TMEM132A: variants seen among roughly 807,000 people sequenced by gnomAD.
The protein encoded by TMEM132A is GRP78-binding protein.
A neutral mutation model predicts 69.9 loss-of-function variants in TMEM132A; 48 were observed. The observed-to-expected ratio is 0.69, with a 90% CI of 0.55 to 0.87. The LOEUF (loss-of-function observed/expected upper bound fraction) is 0.87. TMEM132A is among the 40% of genes least tolerant of loss of function. The probability of loss-of-function intolerance (pLI) is 0.00; values close to 1 mark genes in which losing one functional copy is unlikely to be tolerated. For missense variants in TMEM132A, 1,287 were observed against 1,407.2 expected (o/e 0.91, Z 1.37); for synonymous variants, 577 against 613.7 (o/e 0.94, Z 0.88).
intron 7 of TMEM132A, chr11:60,932,719 T>G (rs1856507082): frequency 6.6e-6 from 1 of 152,224 alleles, no homozygotes. Flanking sequence ...CTTGAAGTTC[T>G]AAGAGGGGAA....
At position 60,936,990 on chromosome 11, in the gene TMEM132A, C is replaced by G. The variant is rs931444906; in HGVS notation, c.*83C>G. 7.5e-7 allele frequency: 1 copy of G among 1,342,162 alleles called. No individual in the cohort carries two copies. The highest frequency in any genetic ancestry group is 2.8e-5 in the Admixed American group (1 of 35,586). The allele number at this position is 1,342,162 out of a possible 1,614,324, so 83.1% of individuals were successfully genotyped here. A position where few individuals can be genotyped will look rare whatever the true frequency, so the allele number is the denominator to read the frequency against. On this transcript the variant is annotated 3_prime_UTR_variant, in exon 11 of 11. Transcript: ENST00000453848. ...GAGCCTCTCGCCTGCCCCCGCCACT[C>G]GTCTGGTGCTTGTTGATCCAAGTCC... is the stretch of plus-strand genomic sequence containing the variant.
Position 60,924,611 on chromosome 11 carries a change from C to A in TMEM132A, c.-23C>A. 1 of 1,574,812 alleles carries A rather than the reference C, an allele frequency of 6.3e-7. No individual in the cohort carries two copies. The highest frequency in any genetic ancestry group is 8.6e-7 in the Non-Finnish European group (1 of 1,166,882). ...CTGGGGCCACCTGAGCCGCCCGCCTCGTCCCCGCCTTCTGTGGGAAGGATG... is the reference window on the plus strand; with the variant it reads ...CTGGGGCCACCTGAGCCGCCCGCCTAGTCCCCGCCTTCTGTGGGAAGGATG... On this transcript the variant is annotated 5_prime_UTR_variant, in exon 1 of 11. Transcript: ENST00000453848.
chr11:60,934,460 G>T (rs1475723926), intron 8 of TMEM132A, 28 bp from the exon 9 acceptor site: 19 of 1,355,950 alleles, frequency 1.4e-5, no homozygotes, highest in Non-Finnish European at 1.7e-5. Flanking sequence ...CAGCGCTGAC[G>T]GCCAGTCCCG....
At position 60,936,919 on chromosome 11, in the gene TMEM132A, C is replaced by T; in HGVS notation, c.*12C>T. ...GGGGCAGCTCCTGACCCTCCACAGC[C>T]ACCTGGTCAGCCACCAGCTGGGGCA... is the stretch of plus-strand genomic sequence containing the variant. On this transcript the variant is annotated 3_prime_UTR_variant, in exon 11 of 11. Coordinates refer to ENST00000453848, the MANE Select transcript of TMEM132A (RefSeq NM_178031.3). The T allele has an allele frequency of 6.6e-7, 1 of 1,515,800 alleles. No homozygotes were observed. The highest frequency in any genetic ancestry group is 2.3e-5 in the East Asian group (1 of 43,610). The allele number at this position is 1,515,800 out of a possible 1,614,324, so 93.9% of individuals were successfully genotyped here. A position where few individuals can be genotyped will look rare whatever the true frequency, so the allele number is the denominator to read the frequency against.
chr11:60,936,459 A>G lies in TMEM132A; in HGVS notation c.2624A>G (p.Tyr875Cys), dbSNP rs752649323. 3.1e-6 allele frequency: 5 copies of G among 1,614,064 alleles called. No homozygotes were observed. The highest frequency in any genetic ancestry group is 3.4e-6 in the Non-Finnish European group (4 of 1,179,958). The change falls in exon 11 of 11, where the codon TAT becomes TGT. Residue 875 changes from tyrosine to cysteine, a missense_variant. Physicochemically the swap from Tyr to Cys is radical, Grantham distance 194. Transcript: ENST00000453848. ...LVNGVVFVLR[Y>C]QRKEPPDSAT... ...AATGGTGTGGTCTTCGTCCTGCGCT[A>G]TCAGCGCAAAGAACCTCCCGACAGT...
rs1000676786 is a variant in TMEM132A, at chr11:60,924,551, C to A, written c.-83C>A. 6.0e-6 allele frequency: 7 copies of A among 1,161,636 alleles called. No individual in the cohort carries two copies. The Admixed American group carries it at 1.9e-4, about 31-fold the overall frequency. The allele number at this position is 1,161,636 out of a possible 1,614,324, so 72.0% of individuals were successfully genotyped here. ...CGGGACCCAGCGGGCCAGGTGGGGA[C>A]GGCGCGGAGCGGGTGCGGGAGATGC... On this transcript the variant is annotated 5_prime_UTR_variant, in exon 1 of 11. Transcript: ENST00000453848.
rs757780521 is a variant in TMEM132A, at chr11:60,933,592, C to A, written c.1407C>A (p.Gly469=). The A allele has an allele frequency of 1.3e-5, 21 of 1,607,496 alleles. No homozygotes were observed. The highest frequency in any genetic ancestry group is 1.6e-5 in the Non-Finnish European group (19 of 1,179,262). ...AVFVAGKESR[G]ARGVRVDFWW... is the part of the protein sequence containing the mutation. Reference sequence around the variant, plus strand: ...TCGTGGCTGGCAAGGAGAGCCGGGGCGCCCGGGGGGTGCGAGTGGACTTCT... The same window carrying A: ...TCGTGGCTGGCAAGGAGAGCCGGGGAGCCCGGGGGGTGCGAGTGGACTTCT... Residue 469 remains glycine (G), a synonymous_variant, in exon 8 of 11, where the codon GGC becomes GGA. Coordinates refer to ENST00000453848, the MANE Select transcript of TMEM132A (RefSeq NM_178031.3).
In TMEM132A at chr11:60,930,535, G is replaced by A. The variant is rs774555035; in HGVS notation, c.892G>A (p.Val298Met). Residue 298 changes from valine to methionine, a missense_variant, in exon 5 of 11, where the codon GTG becomes ATG. Coordinates refer to ENST00000453848, the MANE Select transcript of TMEM132A (RefSeq NM_178031.3). ...LRIKVKKGLH[V>M]TAARPAQPTL... Reference sequence around the variant, plus strand: ...GATCAAGGTGAAGAAGGGGCTGCATGTGACAGCCGCCCGCCCAGCCCAGCC... The same window carrying A: ...GATCAAGGTGAAGAAGGGGCTGCATATGACAGCCGCCCGCCCAGCCCAGCC... 8.1e-6 allele frequency: 13 copies of A among 1,609,172 alleles called. No individual in the cohort carries two copies. The highest frequency in any genetic ancestry group is 1.1e-5 in the Non-Finnish European group (13 of 1,177,728).
Position 60,936,389 on chromosome 11 carries a change from G to T in TMEM132A, c.2554G>T (p.Ala852Ser). The T allele has an allele frequency of 1.2e-6, 2 of 1,614,156 alleles. No homozygotes were observed. The highest frequency in any genetic ancestry group is 1.7e-6 in the Non-Finnish European group (2 of 1,180,006). Reference sequence around the variant, plus strand: ...CACTGAGCTAGAGCTGGGCATGTACGCCCTGCTGGGAGTCTTCTGCGTGGC... The same window carrying T: ...CACTGAGCTAGAGCTGGGCATGTACTCCCTGCTGGGAGTCTTCTGCGTGGC... ...HVTELELGMY[A>S]LLGVFCVAIF... is the part of the protein sequence containing the mutation. Residue 852 changes from alanine (A) to serine (S), a missense_variant, in exon 11 of 11, where the codon GCC becomes TCC. Ala to Ser is a moderately conservative substitution (Grantham distance 99). Transcript: ENST00000453848.
At chr11:60,931,284 T>C (rs1436715840) in intron 5 of TMEM132A, among the ~76,000 whole-genome samples, 4 of 152,258 alleles carry the variant, frequency 2.6e-5, no homozygotes, top group African/African-American at 9.6e-5. Context: ...AGGTTTTTGT[T>C]TGATCAAAGG....
intron 4 of TMEM132A, among the ~76,000 whole-genome samples, 184 bp from the exon 5 acceptor site, chr11:60,930,326 G>T (rs1453018733): frequency 2.0e-5 from 3 of 152,196 alleles, no homozygotes; most frequent in African/African-American, 4.8e-5. Context: ...GTCTTTGGGT[G>T]GGGGAGAGCT....
In TMEM132A at chr11:60,936,873, G is replaced by C; in HGVS notation, c.3038G>C (p.Arg1013Pro). The change falls in exon 11 of 11, where the codon CGC becomes CCC. Residue 1013 changes from arginine to proline, a missense_variant. Transcript: ENST00000453848. ...GGGCTGAAGGACCCTGAGGAGCTTC[G>C]CAACTACATGGAGAGGATCCGGGGC... Reference protein sequence around the residue: ...DMGLKDPEELRNYMERIRGSS With the variant: ...DMGLKDPEELPNYMERIRGSS 1.3e-6 allele frequency: 2 copies of C among 1,583,150 alleles called. No individual in the cohort carries two copies. The highest frequency in any genetic ancestry group is 1.7e-6 in the Non-Finnish European group (2 of 1,166,792).
rs139052416 is a variant in TMEM132A, at chr11:60,936,394, G to A, written c.2559G>A (p.Leu853=). The change falls in exon 11 of 11, where the codon CTG becomes CTA. Residue 853 remains leucine, a synonymous_variant. Coordinates refer to ENST00000453848, the MANE Select transcript of TMEM132A (RefSeq NM_178031.3). ...VTELELGMYA[L]LGVFCVAIFI... ...AGCTAGAGCTGGGCATGTACGCCCT[G>A]CTGGGAGTCTTCTGCGTGGCCATCT... 2.5e-4 allele frequency: 410 copies of A among 1,614,080 alleles called. No individual in the cohort carries two copies. The highest frequency in any genetic ancestry group is 3.2e-4 in the Non-Finnish European group (372 of 1,180,022).
Position 60,935,487 on chromosome 11 carries a change from T to G in TMEM132A, c.2028+44T>G. 1 of 1,541,134 alleles carries G rather than the reference T, an allele frequency of 6.5e-7. No homozygotes were observed. Among genetic ancestry groups the G allele is most frequent in the Non-Finnish European group, 8.8e-7 (1 of 1,136,540 alleles). On this transcript the variant is annotated intron_variant, in intron 10 of 10. Transcript: ENST00000453848. The surrounding 1 kb of genome is among the most constrained non-coding windows in gnomAD (Gnocchi z 5.0). ...GGGGGATGAGGTCAACATCTCCAGA[T>G]GGGGGCTCATGGTAGAGGGGAATGG...
intron 1 of TMEM132A, among the ~76,000 whole-genome samples, chr11:60,925,003 G>A (rs547673519): frequency 6.6e-6 from 1 of 152,218 alleles, no homozygotes; most frequent in African/African-American, 2.4e-5. Context: ...CACCTTCTGC[G>A]AGGGACCCCT....
chr11:60,931,597 G>A, intron 5 of TMEM132A, 92 bp from the exon 6 acceptor site: 3 of 1,316,212 alleles, frequency 2.3e-6, no homozygotes, highest in Non-Finnish European at 3.2e-6. Flanking sequence ...TTCCTCCTGT[G>A]TAAAATGGGG....
rs1315196723 is a variant in TMEM132A, at chr11:60,931,852, C to T, written c.1180C>T (p.Arg394Trp). 3.0e-5 allele frequency: 49 copies of T among 1,614,050 alleles called. No individual in the cohort carries two copies. The highest frequency in any genetic ancestry group is 3.6e-5 in the Non-Finnish European group (43 of 1,180,038). ...GGTGTGGGAAATCCTGGTGTCTGAG[C>T]GGGACATCAGAGCCCTTATCCCACT... is the stretch of plus-strand genomic sequence containing the variant. ...KMVWEILVSE[R>W]DIRALIPLAK... Residue 394 changes from arginine (R) to tryptophan (W), a missense_variant, in exon 6 of 11, where the codon CGG becomes TGG. Transcript: ENST00000453848.
chr11:60,925,923 A>G (rs762501740), intron 1 of TMEM132A: 13 of 152,254 alleles, frequency 8.5e-5, no homozygotes, highest in Non-Finnish European at 1.5e-4. Context: ...AGTTTCATCA[A>G]TTTAAATTCA....
In TMEM132A at chr11:60,935,244, A is replaced by G; in HGVS notation, c.1837-8A>G. On this transcript the variant is annotated splice_polypyrimidine_tract_variant and splice_region_variant and intron_variant, in intron 9 of 10. Coordinates refer to ENST00000453848, the MANE Select transcript of TMEM132A (RefSeq NM_178031.3). The surrounding 1 kb of genome is among the most constrained non-coding windows in gnomAD (Gnocchi z 5.0). ...GGCCCCCCACCTCCAGCTCCTTTCCACCCTCAGGTGCGTTCCCCACTGTCT... is the reference window on the plus strand; with the variant it reads ...GGCCCCCCACCTCCAGCTCCTTTCCGCCCTCAGGTGCGTTCCCCACTGTCT... 2 of 1,599,574 alleles carry G rather than the reference A, an allele frequency of 1.3e-6. No individual in the cohort carries two copies. The highest frequency in any genetic ancestry group is 4.5e-5 in the East Asian group (2 of 44,444).
Sources: allele counts gnomAD v4.1 joint callset (sites outside exome capture counted in the v4.1 genomes callset), GRCh38; gene constraint gnomAD v4.1.1; non-coding constraint Gnocchi (gnomAD v3.1); transcripts MANE v1.5; gene names NCBI Gene and HGNC (gene_info 2026-07-23, HGNC 2026-07-21).